Variants in SLC44A1 observed in about 807,000 individuals in gnomAD.
SLC44A1 encodes choline transporter-like protein 1.
A neutral mutation model predicts 79.3 loss-of-function variants in SLC44A1; 26 were observed. That is an observed-to-expected ratio of 0.33 (90% CI 0.24 to 0.46). SLC44A1 has a LOEUF of 0.46. Ranked by LOEUF, SLC44A1 falls within the 20% of genes least tolerant of loss-of-function variation. The pLI is 1.00. For missense variants in SLC44A1, 688 were observed against 798.1 expected, an observed-to-expected ratio of 0.86 and a Z score of 1.66; for synonymous variants, 263 against 286.2, an observed-to-expected ratio of 0.92 and a Z score of 0.82.
intron 1 of SLC44A1, among the ~76,000 whole-genome samples, chr9:105,262,839 T>TA (rs1361660331): frequency 1.3e-5 from 2 of 152,240 alleles, no homozygotes; most frequent in African/African-American, 4.8e-5. Flanking sequence ...CATTCAGACA[T>TA]ACATTTTCTG....
At chr9:105,270,805 A>G (rs909687306) in intron 1 of SLC44A1, among the ~76,000 whole-genome samples, 3 of 152,186 alleles carry the variant, frequency 2.0e-5, no homozygotes, top group Admixed American at 2.0e-4. Flanking sequence ...CTGTATCCCC[A>G]GTGTTAGAAC....
intron 1 of SLC44A1, among the ~76,000 whole-genome samples, chr9:105,296,927 C>A (rs1192929000): frequency 6.6e-6 from 1 of 152,154 alleles, no homozygotes; most frequent in African/African-American, 2.4e-5. Flanking sequence ...CAGACTAACT[C>A]CTTCCTGCCA....
intron 3 of SLC44A1, among the ~76,000 whole-genome samples, chr9:105,335,233 A>AT (rs1177966592): frequency 1.3e-5 from 2 of 151,832 alleles, no homozygotes; most frequent in African/African-American, 4.8e-5. Flanking sequence ...TATTCCAATA[A>AT]TTTTTTTTGG....
At chr9:105,354,588 A>G (rs1411226307) in intron 5 of SLC44A1, among the ~76,000 whole-genome samples, 1 of 152,242 alleles carries the variant, frequency 6.6e-6, no homozygotes, top group Non-Finnish European at 1.5e-5. Flanking sequence ...TGACACAAAT[A>G]CACAGGGATG....
chr9:105,407,484 G>A (rs1008494391), intron 15 of SLC44A1, among the ~76,000 whole-genome samples: 8 of 152,172 alleles, frequency 5.3e-5, no homozygotes, highest in African/African-American at 1.9e-4. Context: ...TGATTTATCA[G>A]AATGAGGGAT....
At chr9:105,357,811 C>T (rs1827666099) in intron 6 of SLC44A1, among the ~76,000 whole-genome samples, 1 of 152,152 alleles carries the variant, frequency 6.6e-6, no homozygotes, top group Non-Finnish European at 1.5e-5. Context: ...AGAGTCGGAC[C>T]ATCCTTTGGA....
intron 5 of SLC44A1, among the ~76,000 whole-genome samples, chr9:105,351,363 G>C (rs1427020284): frequency 6.6e-6 from 1 of 151,884 alleles, no homozygotes; most frequent in Non-Finnish European, 1.5e-5. Context: ...GTGGAACCTC[G>C]TCTCTACCAA....
intron 3 of SLC44A1, 120 bp from the exon 4 acceptor site, chr9:105,335,443 G>A: frequency 3.0e-6 from 2 of 668,648 alleles, no homozygotes; most frequent in East Asian, 5.6e-5. Context: ...TATTTATGAT[G>A]AGATTTTTAT....
At chr9:105,332,122 T>C (rs888920926) in intron 3 of SLC44A1, among the ~76,000 whole-genome samples, 8 of 148,306 alleles carry the variant, frequency 5.4e-5, no homozygotes, top group Admixed American at 1.3e-4. Context: ...TTGTTTCTTT[T>C]TTTTTTTTTT....
Position 105,404,948 on chromosome 9 carries a change from G to A in SLC44A1, c.1950+19446G>A, listed in dbSNP as rs539276896. 8.5e-5 allele frequency among the ~76,000 whole-genome samples: 13 copies of A among 152,284 alleles called. 1 individual carries two copies. The highest frequency in any genetic ancestry group is 2.9e-4 in the African/African-American group (12 of 41,552). On this transcript the variant is annotated intron_variant, in intron 15 of 15. Coordinates refer to the SLC44A1 transcript ENST00000374724. ...TCATTAGCTAACAGATATTTAATGA[G>A]TACCTACTACGTGTTAGAAGCCAAG...
intron 4 of SLC44A1, among the ~76,000 whole-genome samples, chr9:105,337,202 G>A (rs1027956917): frequency 2.6e-5 from 4 of 152,078 alleles, no homozygotes; most frequent in African/African-American, 9.7e-5. Flanking sequence ...TCTGACAAGT[G>A]GTGTGGTTGA....
chr9:105,361,162 G>A (rs1417307576), intron 7 of SLC44A1, 29 bp from the exon 8 acceptor site: 1 of 1,608,110 alleles, frequency 6.2e-7, no homozygotes, highest in Non-Finnish European at 8.5e-7. Context: ...CCTAATTATT[G>A]CATTAACAGT....
chr9:105,284,068 C>T (rs1830420550), intron 1 of SLC44A1, among the ~76,000 whole-genome samples: 1 of 152,092 alleles, frequency 6.6e-6, no homozygotes, highest in South Asian at 2.1e-4. Context: ...GGACCCTTTC[C>T]CCAACACAGT....
chr9:105,363,663 C>T (rs1187124553), intron 9 of SLC44A1, among the ~76,000 whole-genome samples: 2 of 151,970 alleles, frequency 1.3e-5, no homozygotes, highest in East Asian at 3.9e-4. Context: ...CAGGGTTTCT[C>T]CATGTTGCCC....
At chr9:105,345,591 G>A (rs1380126240) in intron 4 of SLC44A1, among the ~76,000 whole-genome samples, 1 of 151,766 alleles carries the variant, frequency 6.6e-6, no homozygotes, top group African/African-American at 2.4e-5. Flanking sequence ...TTTTTCATCT[G>A]TAATGTTTGG....
At chr9:105,398,514 G>C (rs148737739), downstream of SLC44A1, among the ~76,000 whole-genome samples, 111 of 152,236 alleles carry the variant, frequency 7.3e-4, 2 homozygotes, top group Middle Eastern at 0.014. Context: ...TGATTAAAGA[G>C]CCTGTGAAAA....
Position 105,383,314 on chromosome 9 carries a change from T to C in SLC44A1, c.1824T>C (p.Asn608=), listed in dbSNP as rs1323249471. Residue 608 remains asparagine, a synonymous_variant, in exon 14 of 16, where the codon AAT becomes AAC. Coordinates refer to ENST00000374720, the MANE Select transcript of SLC44A1 (RefSeq NM_080546.5). ...GTTTTGCCATTGATACAAAATACAA[T>C]GATGGGAGCCCTGGCAGAGAATTCT... The part of the protein sequence containing the change: ...FLCFAIDTKY[N]DGSPGREFYM... 3 of 1,613,000 alleles carry C rather than the reference T, an allele frequency of 1.9e-6. No homozygotes were observed. Among genetic ancestry groups the C allele is most frequent in the Admixed American group, 1.7e-5 (1 of 60,000 alleles).
intron 15 of SLC44A1, among the ~76,000 whole-genome samples, chr9:105,424,436 G>A (rs539438208): frequency 1.3e-5 from 2 of 152,282 alleles, no homozygotes; most frequent in East Asian, 1.9e-4. Context: ...GGGCTGGGGC[G>A]AGGAGTGGGA....
At chr9:105,343,571 T>C (rs919157939) in intron 4 of SLC44A1, among the ~76,000 whole-genome samples, 6 of 152,232 alleles carry the variant, frequency 3.9e-5, no homozygotes, top group Non-Finnish European at 7.3e-5. Context: ...TTTGACTTGA[T>C]ATCATTTATA....
Sources: gnomAD v4.1 joint callset for allele counts (sites outside exome capture counted in the v4.1 genomes callset) on GRCh38, gnomAD v4.1.1 for gene constraint, MANE v1.5 for transcripts, NCBI Gene and HGNC (gene_info 2026-07-23, HGNC 2026-07-21) for gene names.